The following EXTL1 variants were observed in gnomAD, a reference collection of about 807,000 sequenced individuals.
EXTL1 encodes the protein exostosin like glycosyltransferase 1.
Under a neutral mutation model 64.6 loss-of-function variants are expected in EXTL1, and 43 were observed. The observed-to-expected ratio is 0.67, with a 90% CI of 0.52 to 0.86. EXTL1 has a LOEUF of 0.86. EXTL1 is among the 40% of genes least tolerant of loss of function. The pLI, the probability that EXTL1 is intolerant of heterozygous loss-of-function variation, is 0.00. For synonymous variants in EXTL1, 352 were observed against 360.5 expected, an observed-to-expected ratio of 0.98 and a Z score of 0.27; for missense variants, 766 against 879.0, an observed-to-expected ratio of 0.87 and a Z score of 1.62.
chr1:26,022,262 G>C lies in EXTL1; in HGVS notation c.-385G>C, dbSNP rs573390332. The C allele has an allele frequency of 1.2e-4, 21 of 180,560 alleles. No individual in the cohort carries two copies. In the East Asian group the frequency reaches 3.1e-3, roughly 27 times the overall value. The allele number at this position is 180,560 out of a possible 1,614,324, so 11.2% of individuals were successfully genotyped here. A position where few individuals can be genotyped will look rare whatever the true frequency, so the allele number is the denominator to read the frequency against. Reference sequence around the variant, plus strand: ...CTCTCAGTTGAGGGCAAGGTCAAGGGGTGCAGCCAGGAGGGCAGGGGGACA... The same window carrying C: ...CTCTCAGTTGAGGGCAAGGTCAAGGCGTGCAGCCAGGAGGGCAGGGGGACA... On this transcript the variant is annotated 5_prime_UTR_variant, in exon 1 of 11. Transcript: ENST00000374280.
rs960150220 is a variant in EXTL1, at chr1:26,035,725, G to A, written c.*378G>A. 4 of 199,266 alleles carry A rather than the reference G, an allele frequency of 2.0e-5. No homozygotes were observed. Among genetic ancestry groups the A allele is most frequent in the African/African-American group, 2.3e-5 (1 of 43,184 alleles). The allele number at this position is 199,266 out of a possible 1,614,324, so 12.3% of individuals were successfully genotyped here. A position where few individuals can be genotyped will look rare whatever the true frequency, so the allele number is the denominator to read the frequency against. ...CAGTCCAGTGTTTGCCGCGGTTCCCGCACGGTCAGGCCCCAGGACTGGCTT... is the reference window on the plus strand; with the variant it reads ...CAGTCCAGTGTTTGCCGCGGTTCCCACACGGTCAGGCCCCAGGACTGGCTT... On this transcript the variant is annotated 3_prime_UTR_variant, in exon 11 of 11. Transcript: ENST00000374280. The surrounding 1 kb of genome is among the most constrained non-coding windows in gnomAD (Gnocchi z 5.3).
At chr1:26,023,478 C>A (rs2050179510) in intron 1 of EXTL1, 53 bp downstream of exon 1, 2 of 1,391,684 alleles carry the variant, frequency 1.4e-6, no homozygotes, top group Admixed American at 3.3e-5. Context: ...GGAATAGACG[C>A]AAGCCCAAAA....
chr1:26,030,546 G>A lies in EXTL1; in HGVS notation c.1052G>A (p.Trp351Ter). 1 of 1,613,640 alleles carries A rather than the reference G, an allele frequency of 6.2e-7. No individual in the cohort carries two copies. Among genetic ancestry groups the A allele is most frequent in the Non-Finnish European group, 8.5e-7 (1 of 1,179,906 alleles). ...CTGCGTCAGCAGACCCAGTTTCTATGGGATGCCTACTTCTCCTCAGTGGAG... is the reference window on the plus strand; with the variant it reads ...CTGCGTCAGCAGACCCAGTTTCTATAGGATGCCTACTTCTCCTCAGTGGAG... ...LALRQQTQFL[W>*]DAYFSSVEKV... Residue 351 changes from tryptophan (W) to a stop codon, truncating the protein, a stop_gained, in exon 4 of 11, where the codon TGG becomes TAG. Coordinates refer to ENST00000374280, the MANE Select transcript of EXTL1 (RefSeq NM_004455.3). LOFTEE classifies it high-confidence loss of function.
At position 26,023,210 on chromosome 1, in the gene EXTL1, C is replaced by T. The variant is rs114576062; in HGVS notation, c.564C>T (p.Asp188=). The change falls in exon 1 of 11, where the codon GAC becomes GAT. Residue 188 remains aspartate, a synonymous_variant. Transcript: ENST00000374280. ...AMVAEASPTV[D]SFRPGFDVAL... The stretch of plus-strand genomic sequence containing the variant: ...TGGCTGAGGCCAGCCCCACGGTGGA[C>T]TCCTTCCGGCCCGGCTTTGATGTGG... 1.1e-4 allele frequency: 179 copies of T among 1,612,128 alleles called. No individual in the cohort carries two copies. The African/African-American group carries it at 2.2e-3, about 20-fold the overall frequency.
chr1:26,029,358 C>T lies in EXTL1; in HGVS notation c.873+72C>T. 10 of 1,273,278 alleles carry T rather than the reference C, an allele frequency of 7.9e-6. No homozygotes were observed. In the South Asian group the frequency reaches 1.2e-4, roughly 16 times the overall value. 78.9% of individuals were successfully genotyped at this position (1,273,278 alleles called of 1,614,324 possible). A position where few individuals can be genotyped will look rare whatever the true frequency, so the allele number is the denominator to read the frequency against. On this transcript the variant is annotated intron_variant, in intron 2 of 10. Coordinates refer to ENST00000374280, the MANE Select transcript of EXTL1 (RefSeq NM_004455.3). ...CATGAGCTGGCAGGGTACTCTGGGT[C>T]CAGGCCAATGAGAAGGGGCAGTAAG...
chr1:26,033,610 A>G lies in EXTL1; in HGVS notation c.1519-86A>G, dbSNP rs921797870. 11 of 1,450,548 alleles carry G rather than the reference A, an allele frequency of 7.6e-6. No homozygotes were observed. In the Middle Eastern group the frequency reaches 5.4e-4, roughly 71 times the overall value. 89.9% of individuals were successfully genotyped at this position (1,450,548 alleles called of 1,614,324 possible). ...CCCCTGAGTCCTGCCCGGGCCCCTC[A>G]GCCAGGCTGCCCCTGCCTCCATTTC... On this transcript the variant is annotated intron_variant, in intron 8 of 10. Transcript: ENST00000374280. The surrounding 1 kb of genome is among the most constrained non-coding windows in gnomAD (Gnocchi z 5.1).
chr1:26,023,534 G>A (rs531745764), intron 1 of EXTL1, 109 bp downstream of exon 1: 2 of 1,178,604 alleles, frequency 1.7e-6, no homozygotes, highest in Non-Finnish European at 2.2e-6. Context: ...AGGTAGTCCT[G>A]GTAGACTTAG....
intron 7 of EXTL1, among the ~76,000 whole-genome samples, chr1:26,032,694 G>T (rs1456356993): frequency 6.6e-6 from 1 of 152,234 alleles, no homozygotes; most frequent in Non-Finnish European, 1.5e-5. Context: ...GGGCTTACAT[G>T]ATGGGGAAAG....
intron 1 of EXTL1, among the ~76,000 whole-genome samples, chr1:26,028,738 G>C (rs144185761): frequency 3.3e-5 from 5 of 152,346 alleles, no homozygotes; most frequent in African/African-American, 1.2e-4. Flanking sequence ...CCTTTCACGG[G>C]CCTGGCTTTT....
In EXTL1 at chr1:26,025,653, T is replaced by C. The variant is rs1333242286; in HGVS notation, c.779+2228T>C. Among the ~76,000 whole-genome samples, 1 of 152,228 alleles carries C rather than the reference T, an allele frequency of 6.6e-6. No homozygotes were observed. The highest frequency in any genetic ancestry group is 2.4e-5 in the African/African-American group (1 of 41,466). ...ATTGTTATTTATTCATTTTTATGAA[T>C]AGGTAATTCATTCACATGGTACAGA... On this transcript the variant is annotated intron_variant, in intron 1 of 10. Transcript: ENST00000374280. The surrounding 1 kb of genome is among the most constrained non-coding windows in gnomAD (Gnocchi z 5.3).
chr1:26,029,408 T>A, intron 2 of EXTL1, 122 bp downstream of exon 2: 1 of 822,888 alleles, frequency 1.2e-6, no homozygotes, highest in Non-Finnish European at 2.1e-6. Flanking sequence ...ACTCCTGGAC[T>A]CAGGCATGCC....
Position 26,025,613 on chromosome 1 carries a change from T to C in EXTL1, c.779+2188T>C, listed in dbSNP as rs1156802222. On this transcript the variant is annotated intron_variant, in intron 1 of 10. Coordinates refer to ENST00000374280, the MANE Select transcript of EXTL1 (RefSeq NM_004455.3). This position sits in a 1 kb window ranked among gnomAD's most constrained non-coding sequence, Gnocchi z 5.3. The stretch of plus-strand genomic sequence containing the variant: ...CGGTCTCTTGTTGCTTTGGAATAAA[T>C]CTCCACCCATTCAAATTGTTATTTA... Among the ~76,000 whole-genome samples, 2 of 152,162 alleles carry C rather than the reference T, an allele frequency of 1.3e-5. No individual in the cohort carries two copies. The highest frequency in any genetic ancestry group is 4.8e-5 in the African/African-American group (2 of 41,436).
At position 26,035,365 on chromosome 1, in the gene EXTL1, AC is replaced by A. The variant is rs780567772; in HGVS notation, c.*22del. On this transcript the variant is annotated 3_prime_UTR_variant, in exon 11 of 11. Transcript: ENST00000374280. This position sits in a 1 kb window ranked among gnomAD's most constrained non-coding sequence, Gnocchi z 5.3. ...AGCCCTAGGGGGGCGACCCGCGGAG[AC>A]CCCAGCAGAGGTCGCAGCCCAGCTC... 8 of 1,579,614 alleles carry A rather than the reference AC, an allele frequency of 5.1e-6. No individual in the cohort carries two copies. The highest frequency in any genetic ancestry group is 6.9e-6 in the Non-Finnish European group (8 of 1,158,254).
rs757674966 is a variant in EXTL1 at position 26,029,651 on chromosome 1, G to A, written c.925G>A (p.Glu309Lys). 8 of 1,612,378 alleles carry A rather than the reference G, an allele frequency of 5.0e-6. No individual in the cohort carries two copies. The highest frequency in any genetic ancestry group is 3.3e-5 in the Admixed American group (2 of 59,956). The change falls in exon 3 of 11, where the codon GAG (glutamate) becomes AAG (lysine). Residue 309 changes from glutamate (E) to lysine (K), a missense_variant. Coordinates refer to ENST00000374280, the MANE Select transcript of EXTL1 (RefSeq NM_004455.3). ...CCCCCGCTGGGAGCTGCCCTTCTCC[G>A]AGGTCATCGACTGGACCAAGGCAGC... ...LSPRWELPFS[E>K]VIDWTKAAIV... is the part of the protein sequence containing the mutation.
rs761126641 is a variant in EXTL1, at chr1:26,029,617, G to T, written c.891G>T (p.Val297=). ...CCCCCCAGGCCGGCTGCATCCCAGT[G>T]CTTCTCAGCCCCCGCTGGGAGCTGC... is the stretch of plus-strand genomic sequence containing the variant. ...LQALQAGCIP[V]LLSPRWELPF... Residue 297 remains valine, a synonymous_variant, in exon 3 of 11, where the codon GTG becomes GTT. Coordinates refer to ENST00000374280, the MANE Select transcript of EXTL1 (RefSeq NM_004455.3). 28 of 1,609,360 alleles carry T rather than the reference G, an allele frequency of 1.7e-5. No individual in the cohort carries two copies. Among genetic ancestry groups the T allele is most frequent in the Non-Finnish European group, 2.3e-5 (27 of 1,178,730 alleles).
chr1:26,033,569 G>T lies in EXTL1; in HGVS notation c.1519-127G>T, dbSNP rs1220338987. On this transcript the variant is annotated intron_variant, in intron 8 of 10. Transcript: ENST00000374280. This position sits in a 1 kb window ranked among gnomAD's most constrained non-coding sequence, Gnocchi z 5.1. ...ACACTTCCAGCCAATTCCAAGTCTTGGCTCCCGCGCCCTCTCCCCTGAGTC... is the reference window on the plus strand; with the variant it reads ...ACACTTCCAGCCAATTCCAAGTCTTTGCTCCCGCGCCCTCTCCCCTGAGTC... The T allele has an allele frequency of 2.1e-6, 2 of 955,300 alleles. No homozygotes were observed. The highest frequency in any genetic ancestry group is 3.3e-5 in the African/African-American group (2 of 60,796). 59.2% of individuals were successfully genotyped at this position (955,300 alleles called of 1,614,324 possible).
intron 5 of EXTL1, 92 bp downstream of exon 5, chr1:26,031,356 C>T: frequency 3.3e-6 from 5 of 1,511,636 alleles, no homozygotes; most frequent in Non-Finnish European, 4.5e-6. Context: ...AGACCCTTTC[C>T]AAGCCCTAAC....
At position 26,032,437 on chromosome 1, in the gene EXTL1, G is replaced by C. The variant is rs778567990; in HGVS notation, c.1383G>C (p.Arg461Ser). The change falls in exon 7 of 11, where the codon AGG becomes AGC. Residue 461 changes from arginine (R) to serine (S), a missense_variant. By Grantham distance (110) the Arg-to-Ser change is moderately radical. Around this residue, in one of 3 missense-constraint regions of EXTL1, gnomAD observed 571 missense variants for 647.6 expected, o/e 0.88. Transcript: ENST00000374280. Reference sequence around the variant, plus strand: ...GCAATGAGAGGCCACTCCCATCCAGGTGGCCGGAGACAGCTGTGCCCTTGA... The same window carrying C: ...GCAATGAGAGGCCACTCCCATCCAGCTGGCCGGAGACAGCTGTGCCCTTGA... ...LWSNERPLPS[R>S]WPETAVPLTV... 6.4e-7 allele frequency: 1 copy of C among 1,555,858 alleles called. No individual in the cohort carries two copies. The highest frequency in any genetic ancestry group is 8.7e-7 in the Non-Finnish European group (1 of 1,149,302).
intron 1 of EXTL1, among the ~76,000 whole-genome samples, chr1:26,028,136 A>G (rs887207218): frequency 1.3e-5 from 2 of 152,140 alleles, no homozygotes; most frequent in Non-Finnish European, 2.9e-5. Flanking sequence ...TTAAGCATGG[A>G]GGGAGGACAA....
Sources: gnomAD v4.1 joint callset for allele counts (sites outside exome capture counted in the v4.1 genomes callset) on GRCh38, gnomAD v4.1.1 for gene constraint, gnomAD v4.1.1 regional missense constraint, Gnocchi (gnomAD v3.1) non-coding constraint, MANE v1.5 for transcripts, NCBI Gene and HGNC (gene_info 2026-07-23, HGNC 2026-07-21) for gene names.